SMIM31: variants seen among roughly 807,000 people sequenced by gnomAD.
The protein encoded by SMIM31 is small integral membrane protein 31, also known as human epithelial cell program regulator.
chr4:164,754,811 A>G (rs969044763), intron 1 of SMIM31, among the ~76,000 whole-genome samples: 1 of 151,308 alleles, frequency 6.6e-6, no homozygotes, highest in African/African-American at 2.4e-5. Flanking sequence ...AAAGTATGGT[A>G]CCATATTTTG....
intron 1 of SMIM31, among the ~76,000 whole-genome samples, chr4:164,756,435 G>A (rs1439217683): frequency 3.3e-5 from 5 of 151,858 alleles, no homozygotes; most frequent in African/African-American, 4.8e-5. Flanking sequence ...AGCCAGGTGT[G>A]GTGGTGGGCG....
At chr4:164,771,031 A>G (rs10857374) in intron 2 of SMIM31, among the ~76,000 whole-genome samples, 89,557 of 152,048 alleles carry the variant, frequency 0.59, 26,578 homozygotes, top group Admixed American at 0.64. Context: ...GTAAATATAC[A>G]ATTAGGAAAT....
chr4:164,798,232 T>TTA (rs926253891), intron 2 of SMIM31, among the ~76,000 whole-genome samples: 5 of 149,138 alleles, frequency 3.4e-5, no homozygotes, highest in African/African-American at 9.8e-5. Context: ...TGATTTTTAT[T>TTA]TTTTTTTTTT....
At chr4:164,772,302 C>T (rs1732814569) in intron 2 of SMIM31, among the ~76,000 whole-genome samples, 1 of 152,082 alleles carries the variant, frequency 6.6e-6, no homozygotes, top group African/African-American at 2.4e-5. Context: ...ATGACGATAG[C>T]ACCAAGGGAC....
intron 1 of SMIM31, 41 bp from the exon 2 acceptor site, chr4:164,770,378 G>C (rs778553555): frequency 2.5e-6 from 1 of 398,490 alleles, no homozygotes; most frequent in Non-Finnish European, 4.4e-6. Context: ...AGCTCTCTCT[G>C]GATTAGAGTA....
At position 164,801,307 on chromosome 4, in the gene SMIM31, C is replaced by A; in HGVS notation, c.*113C>A. 2 of 395,646 alleles carry A rather than the reference C, an allele frequency of 5.1e-6. No homozygotes were observed. The highest frequency in any genetic ancestry group is 8.9e-6 in the Non-Finnish European group (2 of 224,520). 24.5% of individuals were successfully genotyped at this position (395,646 alleles called of 1,614,324 possible). A position where few individuals can be genotyped will look rare whatever the true frequency, so the allele number is the denominator to read the frequency against. ...TAATGAAGAAAGTTAAAATCACTTA[C>A]TGATTAAACACGATGATAATAACCA... On this transcript the variant is annotated 3_prime_UTR_variant, in exon 3 of 3. Transcript: ENST00000507311.
rs1177801171 is a variant in SMIM31, at chr4:164,757,262, G to T, written c.-26+2851G>T. Reference sequence around the variant, plus strand: ...ATTTGGGCCATTTTTTTAAAACTTGGATTGTCTTTTTGTTATTGAGTTGGA... The same window carrying T: ...ATTTGGGCCATTTTTTTAAAACTTGTATTGTCTTTTTGTTATTGAGTTGGA... On this transcript the variant is annotated intron_variant, in intron 1 of 2. Transcript: ENST00000507311. Among the ~76,000 whole-genome samples the T allele has an allele frequency of 2.0e-5, 3 of 152,112 alleles. No homozygotes were observed. In the East Asian group the frequency reaches 5.8e-4, roughly 29 times the overall value.
intron 2 of SMIM31, among the ~76,000 whole-genome samples, chr4:164,799,447 T>C (rs1733255267): frequency 6.6e-6 from 1 of 152,082 alleles, no homozygotes; most frequent in African/African-American, 2.4e-5. Context: ...CTGAGGGATT[T>C]TTTTTTAACA....
intron 2 of SMIM31, among the ~76,000 whole-genome samples, chr4:164,779,984 C>T (rs1248409260): frequency 6.6e-6 from 1 of 152,140 alleles, no homozygotes; most frequent in East Asian, 1.9e-4. Flanking sequence ...AATAATTTTG[C>T]TCTGTTGTGT....
At position 164,769,503 on chromosome 4, in the gene SMIM31, C is replaced by A. The variant is rs1221629791; in HGVS notation, c.-25-916C>A. 4.0e-5 allele frequency among the ~76,000 whole-genome samples: 6 copies of A among 149,206 alleles called. No homozygotes were observed. In the East Asian group the frequency reaches 8.0e-4, roughly 20 times the overall value. On this transcript the variant is annotated intron_variant, in intron 1 of 2. Transcript: ENST00000507311. ...GCAAACTATCGCAAGGACAAAAAAACCAAACACCGCATGTTCTCACCCATA... is the reference window on the plus strand; with the variant it reads ...GCAAACTATCGCAAGGACAAAAAAAACAAACACCGCATGTTCTCACCCATA...
In SMIM31 at chr4:164,770,450, C is replaced by A; in HGVS notation, c.7C>A (p.Leu3Ile). 1 of 398,654 alleles carries A rather than the reference C, an allele frequency of 2.5e-6. No homozygotes were observed. Among genetic ancestry groups the A allele is most frequent in the Non-Finnish European group, 4.4e-6 (1 of 225,954 alleles). The allele number at this position is 398,654 out of a possible 1,614,324, so 24.7% of individuals were successfully genotyped here. A position where few individuals can be genotyped will look rare whatever the true frequency, so the allele number is the denominator to read the frequency against. ...AAGTTTTCGGTGGTGGTTCATGGAG[C>A]TTCCCTACACCAACTTGGAAATGGC... The part of the protein sequence containing the change: ME[L>I]PYTNLEMAFI... The change falls in exon 2 of 3, where the codon CTT becomes ATT. Residue 3 changes from leucine (L) to isoleucine (I), a missense_variant. Physicochemically the swap from Leu to Ile is conservative, Grantham distance 5. Transcript: ENST00000507311.
intron 1 of SMIM31, among the ~76,000 whole-genome samples, chr4:164,767,762 C>T (rs1732738246): frequency 6.6e-6 from 1 of 152,176 alleles, no homozygotes; most frequent in Non-Finnish European, 1.5e-5. Flanking sequence ...GGGCTCTGTG[C>T]CCTGAGCATT....
intron 1 of SMIM31, among the ~76,000 whole-genome samples, chr4:164,755,373 G>T (rs537536056): frequency 6.6e-6 from 1 of 150,454 alleles, no homozygotes; most frequent in East Asian, 2.0e-4. Flanking sequence ...CCAGCTACTC[G>T]GGAGGCTGAG....
chr4:164,758,328 C>T (rs552332007), intron 1 of SMIM31, among the ~76,000 whole-genome samples: 6 of 152,072 alleles, frequency 3.9e-5, no homozygotes, highest in Non-Finnish European at 7.4e-5. Context: ...GTTTGTTTTA[C>T]TTATTAAGTT....
At chr4:164,788,881 T>C (rs1733064586) in intron 2 of SMIM31, among the ~76,000 whole-genome samples, 1 of 152,344 alleles carries the variant, frequency 6.6e-6, no homozygotes, top group African/African-American at 2.4e-5. Context: ...CATTTTCAAA[T>C]GGCAATCTTT....
At chr4:164,785,337 A>G (rs925834020) in intron 2 of SMIM31, among the ~76,000 whole-genome samples, 2 of 152,132 alleles carry the variant, frequency 1.3e-5, no homozygotes, top group African/African-American at 4.8e-5. Flanking sequence ...TTCTTTAACT[A>G]TTTTTTTGCT....
intron 2 of SMIM31, among the ~76,000 whole-genome samples, chr4:164,778,533 C>T (rs566655438): frequency 2.0e-5 from 3 of 152,230 alleles, no homozygotes; most frequent in East Asian, 3.9e-4. Flanking sequence ...TAAGAACTGA[C>T]GATATCTATA....
At chr4:164,783,436 C>T (rs1010164257) in intron 2 of SMIM31, among the ~76,000 whole-genome samples, 1 of 150,482 alleles carries the variant, frequency 6.6e-6, no homozygotes, top group Non-Finnish European at 1.5e-5. Flanking sequence ...AGGCAGGAGA[C>T]TCGCTTGAAC....
chr4:164,772,408 G>A (rs1031067586), intron 2 of SMIM31, among the ~76,000 whole-genome samples: 2 of 152,038 alleles, frequency 1.3e-5, no homozygotes, highest in Non-Finnish European at 2.9e-5. Flanking sequence ...CATGAGATTC[G>A]GGAGGGAGCA....
Sources: allele counts gnomAD v4.1 joint callset (sites outside exome capture counted in the v4.1 genomes callset), GRCh38; gene constraint gnomAD v4.1.1; transcripts MANE v1.5; gene names NCBI Gene and HGNC (gene_info 2026-07-23, HGNC 2026-07-21).